Variants in PSMD12 observed in about 807,000 individuals in gnomAD.
The protein encoded by PSMD12 is 26S proteasome non-ATPase regulatory subunit 12.
PSMD12 carries 8 observed loss-of-function variants against 62.9 expected under a neutral mutation model. The observed-to-expected ratio is 0.13, with a 90% CI of 0.07 to 0.23. The LOEUF (loss-of-function observed/expected upper bound fraction) is 0.23, where lower values mean the gene tolerates loss of function less well. Among genes scored for constraint, PSMD12 ranks in the 10% least tolerant of loss-of-function variants. PSMD12 has a pLI of 1.00. For missense variants in PSMD12, 424 were observed against 550.2 expected, an observed-to-expected ratio of 0.77 and a Z score of 2.29; for synonymous variants, 173 against 187.4, an observed-to-expected ratio of 0.92 and a Z score of 0.63.
Position 67,337,989 on chromosome 17 carries a change from T to C in PSMD12, c.*2854A>G, listed in dbSNP as rs773761305. ...CAAATTAGTGTTTTTATTGCTGCTATATCCAAGAGCTGAAAACAATTTAAA... is the reference window on the plus strand; with the variant it reads ...CAAATTAGTGTTTTTATTGCTGCTACATCCAAGAGCTGAAAACAATTTAAA... On this transcript the variant is annotated 3_prime_UTR_variant, in exon 11 of 11. Coordinates refer to ENST00000356126, the MANE Select transcript of PSMD12 (RefSeq NM_002816.5). 2.6e-5 allele frequency: 4 copies of C among 152,212 alleles called. No individual in the cohort carries two copies. The highest frequency in any genetic ancestry group is 6.6e-5 in the Admixed American group (1 of 15,266). 9.4% of individuals were successfully genotyped at this position (152,212 alleles called of 1,614,324 possible).
intron 1 of PSMD12, 119 bp downstream of exon 1, chr17:67,366,293 G>C: frequency 1.0e-6 from 1 of 983,846 alleles, no homozygotes; most frequent in Non-Finnish European, 1.5e-6. Context: ...GGCCCAACTA[G>C]GGCTGGACAG....
At chr17:67,357,255 GAAAT>G (rs762463713) in intron 3 of PSMD12, 44 bp downstream of exon 3, 1 of 1,568,020 alleles carries the variant, frequency 6.4e-7, no homozygotes, top group Non-Finnish European at 8.6e-7. Context: ...GAAAAGTTCT[GAAAT>G]ACAAATGCTT....
intron 4 of PSMD12, among the ~76,000 whole-genome samples, chr17:67,348,865 A>G (rs979539743): frequency 6.6e-6 from 1 of 152,070 alleles, no homozygotes; most frequent in Non-Finnish European, 1.5e-5. Flanking sequence ...GTGTGGTGGC[A>G]TGCACCTTTA....
rs1040082130 is a variant in PSMD12, at chr17:67,339,736, TG to T, written c.*1106del. 1.5e-4 allele frequency: 23 copies of T among 152,174 alleles called. No homozygotes were observed. Among genetic ancestry groups the T allele is most frequent in the African/African-American group, 5.5e-4 (23 of 41,556 alleles). 9.4% of individuals were successfully genotyped at this position (152,174 alleles called of 1,614,324 possible). A position where few individuals can be genotyped will look rare whatever the true frequency, so the allele number is the denominator to read the frequency against. ...ATCATTTTAAATAACCTTCTAACAT[TG>T]TTTTTTCTATTTTCTCTGAAATAAA... On this transcript the variant is annotated 3_prime_UTR_variant, in exon 11 of 11. Transcript: ENST00000356126.
At position 67,340,651 on chromosome 17, in the gene PSMD12, T is replaced by C. The variant is rs1432522702; in HGVS notation, c.*192A>G. 12 of 458,686 alleles carry C rather than the reference T, an allele frequency of 2.6e-5. No individual in the cohort carries two copies. Among genetic ancestry groups the C allele is most frequent in the Admixed American group, 4.4e-5 (1 of 22,664 alleles). 28.4% of individuals were successfully genotyped at this position (458,686 alleles called of 1,614,324 possible). ...ATTCAGACGACAGAAATCTGTATTT[T>C]TGCACCAATTGCAAATGCAAAGTTA... is the stretch of plus-strand genomic sequence containing the variant. On this transcript the variant is annotated 3_prime_UTR_variant, in exon 11 of 11. Transcript: ENST00000356126.
At chr17:67,359,337 AGAGT>A (rs1272043551) in intron 1 of PSMD12, among the ~76,000 whole-genome samples, 12 of 152,366 alleles carry the variant, frequency 7.9e-5, no homozygotes, top group Non-Finnish European at 4.4e-5. Flanking sequence ...CCTGGGTGAC[AGAGT>A]GAGACCTGGT....
chr17:67,353,869 C>CAA (rs901800094), intron 3 of PSMD12, among the ~76,000 whole-genome samples: 24 of 152,274 alleles, frequency 1.6e-4, no homozygotes, highest in African/African-American at 5.1e-4. Context: ...AAATCTAACT[C>CAA]AACATATTTT....
At chr17:67,361,872 C>T (rs534253876) in intron 1 of PSMD12, among the ~76,000 whole-genome samples, 1 of 48,270 alleles carries the variant, frequency 2.1e-5, no homozygotes, top group African/African-American at 9.5e-5. Context: ...ATCCCTGTAT[C>T]TAAAAAAAAA....
In PSMD12 at chr17:67,342,294, C is replaced by T. The variant is rs149750425; in HGVS notation, c.1084-31G>A. On this transcript the variant is annotated intron_variant, in intron 9 of 10. Transcript: ENST00000356126. ...GAGAGGATAGAGAGCAGGGAGAACA[C>T]GTAACATTTGTCAGTAAGTCTAAAA... is the stretch of plus-strand genomic sequence containing the variant. 68 of 1,395,704 alleles carry T rather than the reference C, an allele frequency of 4.9e-5. No homozygotes were observed. The African/African-American group carries it at 5.7e-4, about 12-fold the overall frequency. 86.5% of individuals were successfully genotyped at this position (1,395,704 alleles called of 1,614,324 possible).
Position 67,347,377 on chromosome 17 carries a change from T to C in PSMD12, c.619A>G (p.Lys207Glu). The change falls in exon 6 of 11, where the codon AAG becomes GAG. Residue 207 changes from lysine (K) to glutamate (E), a missense_variant. Coordinates refer to ENST00000356126, the MANE Select transcript of PSMD12 (RefSeq NM_002816.5). ...TGGAAAAATTTGGTGTTAATTTTCT[T>C]GCTGATGATTTGTGTTCGAATGTAA... ...KDYIRTQIIS[K>E]KINTKFFQEE... The C allele has an allele frequency of 1.2e-6, 2 of 1,614,028 alleles. No individual in the cohort carries two copies. Among genetic ancestry groups the C allele is most frequent in the Non-Finnish European group, 1.7e-6 (2 of 1,179,962 alleles).
In PSMD12 at chr17:67,359,529, C is replaced by T. The variant is rs147912937; in HGVS notation, c.109-1951G>A. Among the ~76,000 whole-genome samples the T allele has an allele frequency of 9.5e-3, 1,439 of 152,174 alleles. 11 individuals carry two copies. Among genetic ancestry groups the T allele is most frequent in the Middle Eastern group, 0.031 (9 of 294 alleles). On this transcript the variant is annotated intron_variant, in intron 1 of 10. Transcript: ENST00000356126. Reference sequence around the variant, plus strand: ...TTCATGGATGATACGTGAGTACTATCCTTTTCTACTGATGAAAGAAACTTA... The same window carrying T: ...TTCATGGATGATACGTGAGTACTATTCTTTTCTACTGATGAAAGAAACTTA...
intron 1 of PSMD12, 75 bp downstream of exon 1, chr17:67,366,337 C>T (rs2042178881): frequency 1.4e-6 from 2 of 1,388,628 alleles, no homozygotes; most frequent in African/African-American, 1.4e-5. Context: ...CCCGCAGGCC[C>T]CCTGAGGCCT....
At chr17:67,349,408 T>C (rs1229220584) in intron 4 of PSMD12, among the ~76,000 whole-genome samples, 1 of 152,238 alleles carries the variant, frequency 6.6e-6, no homozygotes, top group Non-Finnish European at 1.5e-5. Context: ...CTGTGAGACA[T>C]TTTATATTTC....
intron 3 of PSMD12, among the ~76,000 whole-genome samples, chr17:67,352,123 C>A (rs1485809632): frequency 6.6e-6 from 1 of 151,676 alleles, no homozygotes; most frequent in East Asian, 1.9e-4. Context: ...GATGGGGCCT[C>A]ATTTTGTCAC....
intron 1 of PSMD12, among the ~76,000 whole-genome samples, chr17:67,362,191 C>A (rs914155149): frequency 6.6e-6 from 1 of 151,960 alleles, no homozygotes. Context: ...AATGAGAAAC[C>A]CTCAGTATAT....
chr17:67,352,921 T>C (rs554788971), intron 3 of PSMD12, among the ~76,000 whole-genome samples: 2 of 152,334 alleles, frequency 1.3e-5, no homozygotes, highest in South Asian at 4.1e-4. Flanking sequence ...GTGGTGATGC[T>C]GGCCATTTGT....
intron 9 of PSMD12, among the ~76,000 whole-genome samples, chr17:67,344,037 C>T (rs2041940536): frequency 6.6e-6 from 1 of 152,096 alleles, no homozygotes; most frequent in African/African-American, 2.4e-5. Context: ...CCTGTGTGCC[C>T]TGGTGCTTTG....
intron 4 of PSMD12, among the ~76,000 whole-genome samples, chr17:67,349,873 A>C (rs2042001602): frequency 1.3e-5 from 2 of 152,210 alleles, no homozygotes. Flanking sequence ...CATCTATTAT[A>C]CATTTCTTAC....
intron 5 of PSMD12, 106 bp downstream of exon 5, chr17:67,348,444 T>A (rs1408095310): frequency 2.2e-6 from 2 of 899,532 alleles, no homozygotes; most frequent in Non-Finnish European, 3.5e-6. Flanking sequence ...TCCAAAATAA[T>A]TATTGGTCCC....
Sources: allele counts gnomAD v4.1 joint callset (sites outside exome capture counted in the v4.1 genomes callset), GRCh38; gene constraint gnomAD v4.1.1; transcripts MANE v1.5; gene names NCBI Gene and HGNC (gene_info 2026-07-23, HGNC 2026-07-21).